The following CYP2C18 variants were observed in gnomAD, a reference collection of about 807,000 sequenced individuals.
The protein encoded by CYP2C18 is cytochrome P450 2C18.
Under a neutral mutation model 41.3 loss-of-function variants are expected in CYP2C18, and 38 were observed. That is an observed-to-expected ratio of 0.92 (90% CI 0.71 to 1.21). The LOEUF is 1.21. Among genes scored for constraint, CYP2C18 ranks in the 50% most tolerant of loss-of-function variants. The pLI is 0.00. For synonymous variants in CYP2C18, 236 were observed against 210.0 expected, an observed-to-expected ratio of 1.12 and a Z score of -1.07; for missense variants, 635 against 591.4, an observed-to-expected ratio of 1.07 and a Z score of -0.77.
chr10:94,733,730 G>T (rs113388617), intron 8 of CYP2C18: 6 of 321,074 alleles, frequency 1.9e-5, no homozygotes, highest in South Asian at 1.3e-4. Flanking sequence ...CTTCTTAATG[G>T]GTGAAACTTA....
chr10:94,706,735 T>C (rs375402691), intron 4 of CYP2C18, 49 bp from the exon 5 acceptor site: 348 of 1,048,518 alleles, frequency 3.3e-4, no homozygotes, highest in Non-Finnish European at 4.5e-4. Flanking sequence ...TTATGGCATA[T>C]GTCTTCAATA....
chr10:94,731,385 AAAAAT>A (rs890674761), intron 7 of CYP2C18, among the ~76,000 whole-genome samples: 3 of 152,006 alleles, frequency 2.0e-5, no homozygotes, highest in African/African-American at 4.8e-5. Flanking sequence ...GTCTCAAAAA[AAAAAT>A]AAAATAAAAA....
At chr10:94,701,502 A>T (rs1847244677) in intron 4 of CYP2C18, among the ~76,000 whole-genome samples, 1 of 152,198 alleles carries the variant, frequency 6.6e-6, no homozygotes. Flanking sequence ...TAGCATTAGG[A>T]GATACACCTA....
chr10:94,733,993 G>A (rs79219523), intron 8 of CYP2C18, among the ~76,000 whole-genome samples: 7,220 of 152,108 alleles, frequency 0.047, 231 homozygotes, highest in South Asian at 0.12. Flanking sequence ...GAATCTGCCT[G>A]CTTCCTGCTC....
intron 4 of CYP2C18, among the ~76,000 whole-genome samples, chr10:94,700,973 G>A (rs529367008): frequency 5.3e-5 from 8 of 152,290 alleles, no homozygotes; most frequent in African/African-American, 1.9e-4. Flanking sequence ...GAAACAACAG[G>A]TGCTGGAGAG....
In CYP2C18 at chr10:94,725,979, T is replaced by A. The variant is rs890668987; in HGVS notation, c.1149+1446T>A. 2.2e-4 allele frequency among the ~76,000 whole-genome samples: 34 copies of A among 152,240 alleles called. 1 individual carries two copies. Among genetic ancestry groups the A allele is most frequent in the Non-Finnish European group, 4.6e-4 (31 of 68,002 alleles). On this transcript the variant is annotated intron_variant, in intron 7 of 8. Coordinates refer to ENST00000285979, the MANE Select transcript of CYP2C18 (RefSeq NM_000772.3). ...GGTTGTTTTTATAATCTTTTCTCCC[T>A]TCTCTATTCTTTTTGTGCTCACTTA...
chr10:94,691,418 T>A (rs2134177060), intron 3 of CYP2C18, among the ~76,000 whole-genome samples: 1 of 152,272 alleles, frequency 6.6e-6, no homozygotes, highest in South Asian at 2.1e-4. Context: ...GAACTCCCAT[T>A]CACAATTGCT....
rs1020217876 is a variant in CYP2C18 at position 94,724,265 on chromosome 10, T to C, written c.962-81T>C. 59 of 1,420,898 alleles carry C rather than the reference T, an allele frequency of 4.2e-5. No homozygotes were observed. The East Asian group carries it at 1.2e-3, about 30-fold the overall frequency. 88.0% of individuals were successfully genotyped at this position (1,420,898 alleles called of 1,614,324 possible). A position where few individuals can be genotyped will look rare whatever the true frequency, so the allele number is the denominator to read the frequency against. On this transcript the variant is annotated intron_variant, in intron 6 of 8. Transcript: ENST00000285979. Reference sequence around the variant, plus strand: ...TATAATGATGTTGGGACCCCTTCCTTATGCTTCTTGTAACCTGAATTGCTA... The same window carrying C: ...TATAATGATGTTGGGACCCCTTCCTCATGCTTCTTGTAACCTGAATTGCTA...
At chr10:94,700,041 G>A (rs902792581) in intron 4 of CYP2C18, among the ~76,000 whole-genome samples, 3 of 152,060 alleles carry the variant, frequency 2.0e-5, no homozygotes, top group African/African-American at 7.2e-5. Context: ...TCATGAAGAC[G>A]GCCATACTGC....
intron 7 of CYP2C18, among the ~76,000 whole-genome samples, chr10:94,731,003 A>G (rs961124775): frequency 2.6e-5 from 4 of 152,224 alleles, no homozygotes; most frequent in African/African-American, 7.2e-5. Context: ...AAACTGCAAA[A>G]CACTACTGAA....
At chr10:94,719,660 C>T (rs534393006) in intron 5 of CYP2C18, among the ~76,000 whole-genome samples, 5 of 149,780 alleles carry the variant, frequency 3.3e-5, no homozygotes, top group South Asian at 2.1e-4. Flanking sequence ...CTGCAACCTC[C>T]GTCTCCTGGG....
Position 94,724,363 on chromosome 10 carries a change from A to C in CYP2C18, c.979A>C (p.Ile327Leu). 3 of 1,613,310 alleles carry C rather than the reference A, an allele frequency of 1.9e-6. No homozygotes were observed. Among genetic ancestry groups the C allele is most frequent in the Non-Finnish European group, 2.5e-6 (3 of 1,179,572 alleles). ...PEVTAKVQEE[I>L]ECVVGRNRSP... ...CTTATCAGCTAAAGTCCAGGAAGAG[A>C]TTGAATGTGTAGTTGGCAGAAACCG... Residue 327 changes from isoleucine (I) to leucine (L), a missense_variant, in exon 7 of 9, where the codon ATT becomes CTT. Transcript: ENST00000285979.
At chr10:94,718,975 C>A (rs1847603074) in intron 5 of CYP2C18, among the ~76,000 whole-genome samples, 1 of 152,090 alleles carries the variant, frequency 6.6e-6, no homozygotes, top group Admixed American at 6.6e-5. Flanking sequence ...GTAGCTTTTT[C>A]TTCCCAGTCT....
At chr10:94,690,823 A>G (rs1410466637) in intron 3 of CYP2C18, among the ~76,000 whole-genome samples, 1 of 152,196 alleles carries the variant, frequency 6.6e-6, no homozygotes, top group African/African-American at 2.4e-5. Context: ...AAGCTTATCC[A>G]CCATAATCAA....
At chr10:94,719,030 C>G (rs1178796323) in intron 5 of CYP2C18, among the ~76,000 whole-genome samples, 2 of 152,064 alleles carry the variant, frequency 1.3e-5, no homozygotes, top group African/African-American at 2.4e-5. Context: ...AGTCTCTCAA[C>G]TTGTTTCTGA....
intron 5 of CYP2C18, among the ~76,000 whole-genome samples, chr10:94,710,252 T>C (rs1163813510): frequency 6.6e-6 from 1 of 152,186 alleles, no homozygotes; most frequent in Non-Finnish European, 1.5e-5. Context: ...ATCACAGGAG[T>C]GAACCACGCA....
Position 94,724,472 on chromosome 10 carries a change from C to T in CYP2C18, c.1088C>T (p.Pro363Leu), listed in dbSNP as rs1330486715. 4 of 1,613,518 alleles carry T rather than the reference C, an allele frequency of 2.5e-6. No homozygotes were observed. Among genetic ancestry groups the T allele is most frequent in the Non-Finnish European group, 3.4e-6 (4 of 1,179,748 alleles). ...HEIQRYIDLLPTNLPHAVTCD... is the reference protein window; with the variant it reads ...HEIQRYIDLLLTNLPHAVTCD... ...ATCCAGAGATACATTGACCTCCTCCCCACCAACCTGCCCCATGCAGTGACC... is the reference window on the plus strand; with the variant it reads ...ATCCAGAGATACATTGACCTCCTCCTCACCAACCTGCCCCATGCAGTGACC... Residue 363 changes from proline to leucine, a missense_variant, in exon 7 of 9, where the codon CCC (proline) becomes CTC (leucine). Pro to Leu is a moderately conservative substitution (Grantham distance 98). Transcript: ENST00000285979.
intron 4 of CYP2C18, among the ~76,000 whole-genome samples, chr10:94,703,343 C>T (rs1847279083): frequency 6.6e-6 from 1 of 152,216 alleles, no homozygotes; most frequent in South Asian, 2.1e-4. Context: ...ACAGCCACCC[C>T]TTCCTCCAGG....
At chr10:94,701,773 G>T (rs530231537) in intron 4 of CYP2C18, among the ~76,000 whole-genome samples, 52 of 152,288 alleles carry the variant, frequency 3.4e-4, no homozygotes, top group African/African-American at 1.2e-3. Context: ...AGCACACTAA[G>T]CTGGGAGTGA....
Sources: allele counts gnomAD v4.1 joint callset (sites outside exome capture counted in the v4.1 genomes callset), GRCh38; gene constraint gnomAD v4.1.1; transcripts MANE v1.5; gene names NCBI Gene and HGNC (gene_info 2026-07-23, HGNC 2026-07-21).